The following DAPK1 variants were observed in gnomAD, a reference collection of about 807,000 sequenced individuals.
DAPK1 encodes death-associated protein kinase 1.
In DAPK1, 56 loss-of-function variants were observed where a neutral mutation model predicts 144.9. The observed-to-expected ratio is 0.39, with a 90% CI of 0.31 to 0.48. DAPK1 has a LOEUF of 0.48. Among genes scored for constraint, DAPK1 ranks in the 20% least tolerant of loss-of-function variants. The pLI is 0.95. For missense variants in DAPK1, 1,454 were observed against 1,875.4 expected, an observed-to-expected ratio of 0.78 and a Z score of 4.15; for synonymous variants, 690 against 749.0, an observed-to-expected ratio of 0.92 and a Z score of 1.29.
At chr9:87,509,401 G>C (rs937959656) in intron 2 of DAPK1, among the ~76,000 whole-genome samples, 2 of 151,714 alleles carry the variant, frequency 1.3e-5, no homozygotes, top group Admixed American at 1.3e-4. Flanking sequence ...TCCTCTTGTT[G>C]CTCAGGCTGG....
chr9:87,568,570 T>C (rs1272581625), intron 2 of DAPK1, among the ~76,000 whole-genome samples: 5 of 152,198 alleles, frequency 3.3e-5, no homozygotes, highest in South Asian at 2.1e-4. Flanking sequence ...GAATGTTGGC[T>C]AAAGAGAGTG....
chr9:87,653,520 T>G (rs1043446182), intron 17 of DAPK1, among the ~76,000 whole-genome samples: 1 of 152,138 alleles, frequency 6.6e-6, no homozygotes, highest in African/African-American at 2.4e-5. Context: ...TATGTGTGTG[T>G]GTGTGTACAT....
intron 1 of DAPK1, 188 bp from the exon 2 acceptor site, chr9:87,498,782 C>T (rs1331199637): frequency 6.9e-6 from 3 of 436,628 alleles, no homozygotes; most frequent in Non-Finnish European, 1.2e-5. Flanking sequence ...CACGCGCGCG[C>T]GGGGCTGAGG....
chr9:87,653,897 T>C (rs927613082), intron 17 of DAPK1, among the ~76,000 whole-genome samples: 17 of 152,162 alleles, frequency 1.1e-4, no homozygotes, highest in South Asian at 2.1e-4. Flanking sequence ...TTTCACCATG[T>C]TGGCCAGGCT....
intron 21 of DAPK1, among the ~76,000 whole-genome samples, chr9:87,687,292 A>T (rs1223481104): frequency 1.3e-5 from 2 of 152,138 alleles, no homozygotes; most frequent in Admixed American, 1.3e-4. Context: ...CCACACACAC[A>T]CACAGCCTTC....
chr9:87,570,656 C>T (rs924511667), intron 2 of DAPK1, among the ~76,000 whole-genome samples: 2 of 152,162 alleles, frequency 1.3e-5, no homozygotes, highest in African/African-American at 4.8e-5. Context: ...TTAACCCAGG[C>T]GTGCACTTCT....
chr9:87,545,041 G>A (rs948634059), intron 2 of DAPK1, among the ~76,000 whole-genome samples: 33 of 152,150 alleles, frequency 2.2e-4, no homozygotes, highest in East Asian at 5.8e-4. Flanking sequence ...GGTTACTTTC[G>A]GAATTTGATG....
intron 2 of DAPK1, among the ~76,000 whole-genome samples, chr9:87,573,405 C>G (rs548993519): frequency 1.3e-5 from 2 of 152,342 alleles, no homozygotes; most frequent in African/African-American, 4.8e-5. Flanking sequence ...GATGGTGATA[C>G]TGGCTTTCTG....
intron 17 of DAPK1, among the ~76,000 whole-genome samples, chr9:87,656,211 G>A (rs1348549262): frequency 6.6e-6 from 1 of 152,110 alleles, no homozygotes; most frequent in Non-Finnish European, 1.5e-5. Context: ...GTGGGCTGTC[G>A]CTGACACACG....
intron 2 of DAPK1, among the ~76,000 whole-genome samples, chr9:87,601,904 G>A (rs776878253): frequency 4.6e-5 from 7 of 152,148 alleles, no homozygotes; most frequent in Non-Finnish European, 8.8e-5. Context: ...ATAGATTCAG[G>A]CGTCAGCTGC....
intron 3 of DAPK1, among the ~76,000 whole-genome samples, chr9:87,610,044 C>T (rs924087706): frequency 3.3e-5 from 5 of 152,146 alleles, no homozygotes; most frequent in African/African-American, 1.2e-4. Context: ...CTTTGCTGTC[C>T]TTTGTACAGA....
At chr9:87,550,626 T>A (rs1563987968) in intron 2 of DAPK1, among the ~76,000 whole-genome samples, 1 of 152,234 alleles carries the variant, frequency 6.6e-6, no homozygotes. Context: ...TCTTAACTAA[T>A]GACATCTACA....
At chr9:87,511,276 C>A (rs2118112592) in intron 2 of DAPK1, among the ~76,000 whole-genome samples, 1 of 152,276 alleles carries the variant, frequency 6.6e-6, no homozygotes, top group Non-Finnish European at 1.5e-5. Context: ...CTTGGTGAGT[C>A]CACCTTATTA....
chr9:87,557,325 T>C (rs376237070), intron 2 of DAPK1, among the ~76,000 whole-genome samples: 1 of 152,202 alleles, frequency 6.6e-6, no homozygotes, highest in South Asian at 2.1e-4. Context: ...GGGAGACCCT[T>C]TGTCCTGTAC....
intron 2 of DAPK1, among the ~76,000 whole-genome samples, chr9:87,540,736 A>G (rs1225260286): frequency 6.6e-6 from 1 of 152,248 alleles, no homozygotes; most frequent in Non-Finnish European, 1.5e-5. Flanking sequence ...GTGTGACCAC[A>G]GTAAATAATT....
intron 2 of DAPK1, among the ~76,000 whole-genome samples, chr9:87,586,787 C>T (rs1198342412): frequency 6.6e-6 from 1 of 152,150 alleles, no homozygotes; most frequent in Non-Finnish European, 1.5e-5. Flanking sequence ...AAAGTTAATT[C>T]GAGTGTCCTA....
intron 3 of DAPK1, among the ~76,000 whole-genome samples, chr9:87,624,367 T>C (rs769136923): frequency 2.6e-5 from 4 of 152,220 alleles, no homozygotes; most frequent in African/African-American, 7.2e-5. Context: ...TCCCACAGCA[T>C]GGCAGCTGAG....
At chr9:87,662,333 AGTT>A (rs1260202644) in intron 18 of DAPK1, among the ~76,000 whole-genome samples, 2 of 151,976 alleles carry the variant, frequency 1.3e-5, no homozygotes, top group Non-Finnish European at 2.9e-5. Flanking sequence ...TGAACTTTAG[AGTT>A]GTTATTTCTA....
At chr9:87,670,397 A>G (rs914878370) in intron 19 of DAPK1, among the ~76,000 whole-genome samples, 8 of 152,172 alleles carry the variant, frequency 5.3e-5, no homozygotes, top group Non-Finnish European at 8.8e-5. Context: ...TGGTTTTTGC[A>G]CAGGCTAAAA....
Sources: gnomAD v4.1 joint callset for allele counts (sites outside exome capture counted in the v4.1 genomes callset) on GRCh38, gnomAD v4.1.1 for gene constraint, MANE v1.5 for transcripts, NCBI Gene and HGNC (gene_info 2026-07-23, HGNC 2026-07-21) for gene names.